Variants in RABGAP1L observed in about 807,000 individuals in gnomAD.
RABGAP1L encodes RAB GTPase activating protein 1 like, also known as rab GTPase-activating protein 1-like.
In RABGAP1L, 63 loss-of-function variants were observed where a neutral mutation model predicts 137.7. That is an observed-to-expected ratio of 0.46 (90% CI 0.37 to 0.56). The LOEUF is 0.56. Ranked by LOEUF, RABGAP1L falls within the 20% of genes least tolerant of loss-of-function variation. RABGAP1L has a pLI of 0.00. For missense variants in RABGAP1L, 1,095 were observed against 1,244.0 expected (o/e 0.88, Z 1.80); for synonymous variants, 431 against 433.7 (o/e 0.99, Z 0.08).
chr1:174,973,541 T>A (rs1446679417), intron 21 of RABGAP1L, among the ~76,000 whole-genome samples: 6 of 151,930 alleles, frequency 3.9e-5, no homozygotes, highest in Non-Finnish European at 8.8e-5. Context: ...CCCAAAACCA[T>A]GCCTGGCTGA....
At chr1:174,536,158 G>A (rs1664870454) in intron 13 of RABGAP1L, among the ~76,000 whole-genome samples, 1 of 151,680 alleles carries the variant, frequency 6.6e-6, no homozygotes. Flanking sequence ...GATAAGGTGT[G>A]CACTTGGAAC....
chr1:174,908,480 A>G (rs1659480576), intron 19 of RABGAP1L, among the ~76,000 whole-genome samples: 1 of 152,162 alleles, frequency 6.6e-6, no homozygotes, highest in African/African-American at 2.4e-5. Context: ...TAAAACTAGA[A>G]ATCTGTAACA....
At chr1:174,212,515 A>T (rs982101219) in intron 1 of RABGAP1L, among the ~76,000 whole-genome samples, 2 of 152,124 alleles carry the variant, frequency 1.3e-5, no homozygotes, top group Admixed American at 1.3e-4. Context: ...AACAGAAGAT[A>T]CCAAAACATA....
rs560118749 is a variant in RABGAP1L, at chr1:174,499,103, A to G, written c.1710+104958A>G. Among the ~76,000 whole-genome samples the G allele has an allele frequency of 1.3e-4, 20 of 152,220 alleles. No homozygotes were observed. The East Asian group carries it at 1.9e-3, about 15-fold the overall frequency. On this transcript the variant is annotated intron_variant, in intron 13 of 25. Coordinates refer to ENST00000681986, the MANE Select transcript of RABGAP1L (RefSeq NM_001366446.1). Reference sequence around the variant, plus strand: ...AACATATCCAGTAGAACTGGGGGGAAAATTAAAAATGAGTTTCTTTATGCA... The same window carrying G: ...AACATATCCAGTAGAACTGGGGGGAGAATTAAAAATGAGTTTCTTTATGCA...
At chr1:174,818,557 G>A (rs1401695357) in intron 19 of RABGAP1L, among the ~76,000 whole-genome samples, 1 of 152,166 alleles carries the variant, frequency 6.6e-6, no homozygotes, top group Non-Finnish European at 1.5e-5. Context: ...GTTAGTATGG[G>A]GAGAGGATGG....
rs926723847 is a variant in RABGAP1L, at chr1:174,637,285, T to G, written c.1711-90T>G. 5.0e-5 allele frequency: 42 copies of G among 848,318 alleles called. 1 individual carries two copies. The South Asian group carries it at 6.9e-4, about 14-fold the overall frequency. 52.5% of individuals were successfully genotyped at this position (848,318 alleles called of 1,614,324 possible). The stretch of plus-strand genomic sequence containing the variant: ...TATGTTTTTCTGTTGTTTACTTTTC[T>G]TGCTGTTTGAGTTTTTTACCATGTG... On this transcript the variant is annotated intron_variant, in intron 13 of 25. Coordinates refer to ENST00000681986, the MANE Select transcript of RABGAP1L (RefSeq NM_001366446.1).
chr1:174,816,282 A>C (rs1228950187), intron 19 of RABGAP1L, among the ~76,000 whole-genome samples: 1 of 150,374 alleles, frequency 6.7e-6, no homozygotes, highest in Non-Finnish European at 1.5e-5. Context: ...CCTCCCGAGT[A>C]GCTGGGATTA....
chr1:174,342,778 G>T (rs1682087251), intron 11 of RABGAP1L, among the ~76,000 whole-genome samples: 1 of 143,418 alleles, frequency 7.0e-6, no homozygotes, highest in African/African-American at 2.6e-5. Context: ...CTTGCTTGTT[G>T]CCCAGGCTGG....
chr1:174,636,098 A>G (rs1056339479), intron 13 of RABGAP1L, among the ~76,000 whole-genome samples: 4 of 152,210 alleles, frequency 2.6e-5, no homozygotes, highest in African/African-American at 7.2e-5. Context: ...TATTTTCTTG[A>G]CATTTAAAAA....
chr1:174,812,387 C>T (rs140556830), intron 19 of RABGAP1L, among the ~76,000 whole-genome samples: 53 of 152,338 alleles, frequency 3.5e-4, no homozygotes, highest in African/African-American at 1.1e-3. Flanking sequence ...CCATCCCACA[C>T]CTGCCAAATA....
intron 12 of RABGAP1L, among the ~76,000 whole-genome samples, chr1:174,384,310 G>A (rs779443009): frequency 6.6e-6 from 1 of 152,130 alleles, no homozygotes; most frequent in Non-Finnish European, 1.5e-5. Context: ...GGTATGGGGG[G>A]AATGAGGGAA....
At chr1:174,964,521 C>G (rs867560002) in intron 20 of RABGAP1L, among the ~76,000 whole-genome samples, 44 of 152,302 alleles carry the variant, frequency 2.9e-4, no homozygotes, top group African/African-American at 1.1e-3. Flanking sequence ...TTTTGCATTG[C>G]CCTGCCCAGC....
chr1:174,792,120 A>C (rs1232818325), intron 18 of RABGAP1L, among the ~76,000 whole-genome samples: 1 of 152,116 alleles, frequency 6.6e-6, no homozygotes, highest in African/African-American at 2.4e-5. Context: ...TGGCTTCCTG[A>C]CTCTGCCTCT....
chr1:174,327,987 A>ATATATATATG (rs1680641616), intron 11 of RABGAP1L, among the ~76,000 whole-genome samples: 4 of 10,188 alleles, frequency 3.9e-4, no homozygotes, highest in African/African-American at 2.1e-3. Flanking sequence ...ATACACACAC[A>ATATATATATG]TATATATATA....
chr1:174,920,678 A>G (rs1004469232), intron 19 of RABGAP1L, among the ~76,000 whole-genome samples: 2 of 152,066 alleles, frequency 1.3e-5, no homozygotes, highest in Non-Finnish European at 2.9e-5. Context: ...AGGTAAAAGG[A>G]GGTCATTGGG....
At chr1:174,892,732 CTT>C (rs57239363) in intron 19 of RABGAP1L, 2,310 of 379,916 alleles carry the variant, frequency 6.1e-3, no homozygotes, top group South Asian at 0.011. Flanking sequence ...TGTTTTCTTT[CTT>C]TTTTTTTTTT....
At chr1:174,906,696 A>G (rs1329240930) in intron 19 of RABGAP1L, among the ~76,000 whole-genome samples, 2 of 152,024 alleles carry the variant, frequency 1.3e-5, no homozygotes, top group East Asian at 1.9e-4. Flanking sequence ...GCCTGAGATC[A>G]CTAAACAGAT....
At chr1:174,483,349 T>G (rs890673114) in intron 13 of RABGAP1L, among the ~76,000 whole-genome samples, 1 of 152,196 alleles carries the variant, frequency 6.6e-6, no homozygotes, top group Non-Finnish European at 1.5e-5. Flanking sequence ...GTCAATTGTT[T>G]TAATTTTTAG....
At chr1:174,638,733 G>C (rs1435588893) in intron 14 of RABGAP1L, among the ~76,000 whole-genome samples, 2 of 145,456 alleles carry the variant, frequency 1.4e-5, no homozygotes, top group Non-Finnish European at 3.0e-5. Context: ...CATGTCCTTT[G>C]TAGGGACATG....
Sources: allele counts gnomAD v4.1 joint callset (sites outside exome capture counted in the v4.1 genomes callset), GRCh38; gene constraint gnomAD v4.1.1; transcripts MANE v1.5; gene names NCBI Gene and HGNC (gene_info 2026-07-23, HGNC 2026-07-21).